Variants in CASR observed in about 807,000 individuals in gnomAD.
The protein encoded by CASR is calcium sensing receptor.
CASR carries 23 observed loss-of-function variants against 69.1 expected under a neutral mutation model. The observed-to-expected ratio is 0.33, with a 90% CI of 0.24 to 0.47. CASR has a LOEUF of 0.47. Among genes scored for constraint, CASR ranks in the 20% least tolerant of loss-of-function variants. The probability of loss-of-function intolerance (pLI) is 1.00; values close to 1 mark genes in which losing one functional copy is unlikely to be tolerated. For synonymous variants in CASR, 541 were observed against 544.7 expected, an observed-to-expected ratio of 0.99 and a Z score of 0.10; for missense variants, 924 against 1,356.1, an observed-to-expected ratio of 0.68 and a Z score of 5.00.
intron 1 of CASR, among the ~76,000 whole-genome samples, chr3:122,234,033 T>C (rs193082594): frequency 7.6e-4 from 116 of 152,344 alleles, no homozygotes; most frequent in African/African-American, 2.7e-3. Context: ...ACTCCTCTGA[T>C]TGAGAAAGCT....
At chr3:122,253,678 G>T (rs2074522339) in intron 1 of CASR, among the ~76,000 whole-genome samples, 1 of 152,188 alleles carries the variant, frequency 6.6e-6, no homozygotes, top group Admixed American at 6.5e-5. Context: ...TTAAAATCCA[G>T]CATCAGCACC....
At chr3:122,282,006 G>A in intron 5 of CASR, 107 bp from the exon 6 acceptor site, 1 of 1,535,324 alleles carries the variant, frequency 6.5e-7, no homozygotes, top group Non-Finnish European at 9.0e-7. Context: ...CTGTCACACT[G>A]ATTCTTGTGC....
intron 1 of CASR, among the ~76,000 whole-genome samples, chr3:122,208,188 C>A (rs140712859): frequency 2.4e-4 from 37 of 152,044 alleles, no homozygotes; most frequent in Non-Finnish European, 3.1e-4. Context: ...ACAAATGATT[C>A]TTTTATACTT....
chr3:122,261,898 TCA>T lies in CASR; in HGVS notation c.865_866del (p.Thr289GlyfsTer68), dbSNP rs1413418073. 6.2e-7 allele frequency: 1 copy of T among 1,614,060 alleles called. No homozygotes were observed. The highest frequency in any genetic ancestry group is 1.3e-5 in the African/African-American group (1 of 74,916). On this transcript the variant is annotated frameshift_variant, in exon 4 of 7. Coordinates refer to ENST00000639785, the MANE Select transcript of CASR (RefSeq NM_000388.4). LOFTEE classifies it high-confidence loss of function. ...ATCAAGGAGATTGTCCGGCGCAATA[TCA>T]CGGGCAAGATCTGGCTGGCCAGCGA... is the stretch of plus-strand genomic sequence containing the variant.
chr3:122,285,741 C>T lies in CASR; in HGVS notation c.*550C>T. 1 of 173,576 alleles carries T rather than the reference C, an allele frequency of 5.8e-6. No homozygotes were observed. Among genetic ancestry groups the T allele is most frequent in the Non-Finnish European group, 1.3e-5 (1 of 78,946 alleles). 10.8% of individuals were successfully genotyped at this position (173,576 alleles called of 1,614,324 possible). On this transcript the variant is annotated 3_prime_UTR_variant, in exon 7 of 7. Coordinates refer to ENST00000639785, the MANE Select transcript of CASR (RefSeq NM_000388.4). ...TATTATGTAACATCCAGAAGGTTTG[C>T]ACCCCTCCTATACCATATGTCTGCT... is the stretch of plus-strand genomic sequence containing the variant.
rs2075001415 is a variant in CASR at position 122,290,229 on chromosome 3, T to C, written c.*5038T>C. 1 of 152,080 alleles carries C rather than the reference T, an allele frequency of 6.6e-6. No homozygotes were observed. Among genetic ancestry groups the C allele is most frequent in the Non-Finnish European group, 1.5e-5 (1 of 68,028 alleles). 9.4% of individuals were successfully genotyped at this position (152,080 alleles called of 1,614,324 possible). On this transcript the variant is annotated 3_prime_UTR_variant, in exon 7 of 7. Coordinates refer to ENST00000639785, the MANE Select transcript of CASR (RefSeq NM_000388.4). ...GTTAGAACAAATAAAAGCAGCAAAC[T>C]CTGTGACTGAAGTTTCAGCACATGG...
At chr3:122,239,718 G>A (rs2074362344) in intron 1 of CASR, among the ~76,000 whole-genome samples, 1 of 152,074 alleles carries the variant, frequency 6.6e-6, no homozygotes, top group Non-Finnish European at 1.5e-5. Flanking sequence ...CCTCAGCACA[G>A]AAAGAAAGGC....
chr3:122,188,745 G>A (rs1262634199), intron 1 of CASR, among the ~76,000 whole-genome samples: 3 of 152,092 alleles, frequency 2.0e-5, no homozygotes, highest in Admixed American at 2.0e-4. Context: ...TTCAACTCTT[G>A]CCTGACACCA....
chr3:122,261,596 C>T lies in CASR; in HGVS notation c.561C>T (p.Ile187=). ...AATTCAAGTCTTTCCTCCGAACCATCCCCAATGATGAGCACCAGGCCACTG... is the reference window on the plus strand; with the variant it reads ...AATTCAAGTCTTTCCTCCGAACCATTCCCAATGATGAGCACCAGGCCACTG... ...KNQFKSFLRT[I]PNDEHQATAM... Residue 187 remains isoleucine (I), a synonymous_variant, in exon 4 of 7, where the codon ATC becomes ATT. Coordinates refer to ENST00000639785, the MANE Select transcript of CASR (RefSeq NM_000388.4). 1 of 1,614,172 alleles carries T rather than the reference C, an allele frequency of 6.2e-7. No homozygotes were observed. The highest frequency in any genetic ancestry group is 2.2e-5 in the East Asian group (1 of 44,888).
intron 1 of CASR, among the ~76,000 whole-genome samples, chr3:122,214,228 TC>T (rs1408766385): frequency 6.6e-6 from 1 of 152,130 alleles, no homozygotes; most frequent in African/African-American, 2.4e-5. Context: ...TATCCATTTT[TC>T]TCATTAAAGA....
Position 122,285,040 on chromosome 3 carries a change from A to G in CASR, c.3086A>G (p.Glu1029Gly). ...GETDLDLTVQ[E>G]TGLQGPVGGD... Reference sequence around the variant, plus strand: ...ACGGACTTAGATCTGACCGTCCAGGAAACAGGTCTGCAAGGACCTGTGGGT... The same window carrying G: ...ACGGACTTAGATCTGACCGTCCAGGGAACAGGTCTGCAAGGACCTGTGGGT... The change falls in exon 7 of 7, where the codon GAA (glutamate) becomes GGA (glycine). Residue 1029 changes from glutamate (E) to glycine (G), a missense_variant. By Grantham distance (98) the Glu-to-Gly change is moderately conservative. Around this residue, in one of 8 missense-constraint regions of CASR, gnomAD observed 201 missense variants for 228.8 expected, o/e 0.88. Coordinates refer to ENST00000639785, the MANE Select transcript of CASR (RefSeq NM_000388.4). 6.2e-7 allele frequency: 1 copy of G among 1,614,200 alleles called. No homozygotes were observed. The highest frequency in any genetic ancestry group is 8.5e-7 in the Non-Finnish European group (1 of 1,180,020).
intron 4 of CASR, among the ~76,000 whole-genome samples, chr3:122,264,372 G>A (rs1049825688): frequency 2.6e-5 from 4 of 152,184 alleles, no homozygotes; most frequent in Non-Finnish European, 5.9e-5. Context: ...TCCTGTAAAA[G>A]TTCCAGAAAC....
intron 6 of CASR, among the ~76,000 whole-genome samples, chr3:122,282,478 T>C (rs1250372669): frequency 2.0e-5 from 3 of 152,246 alleles, no homozygotes; most frequent in East Asian, 1.9e-4. Context: ...TACTTCATAT[T>C]GTCGGCCAAT....
rs1043791065 is a variant in CASR at position 122,290,608 on chromosome 3, C to T, written c.*5417C>T. The T allele has an allele frequency of 6.6e-6, 1 of 151,988 alleles. No individual in the cohort carries two copies. The highest frequency in any genetic ancestry group is 1.5e-5 in the Non-Finnish European group (1 of 67,982). The allele number at this position is 151,988 out of a possible 1,614,324, so 9.4% of individuals were successfully genotyped here. A position where few individuals can be genotyped will look rare whatever the true frequency, so the allele number is the denominator to read the frequency against. On this transcript the variant is annotated 3_prime_UTR_variant, in exon 7 of 7. Transcript: ENST00000639785. ...TTGTACATTAAGCACAAAATTATAA[C>T]AGGAAAATAAAGAAAAGAATTTAAA...
rs1053891124 is a variant in CASR, at chr3:122,261,980, C to T, written c.945C>T (p.Gly315=). The T allele has an allele frequency of 7.4e-6, 12 of 1,614,072 alleles. No homozygotes were observed. The highest frequency in any genetic ancestry group is 1.7e-5 in the Admixed American group (1 of 60,008). ...TGCCTCAGTACTTCCACGTGGTTGG[C>T]GGCACCATTGGATTCGCTCTGAAGG... ...IAMPQYFHVV[G]GTIGFALKAG... The change falls in exon 4 of 7, where the codon GGC becomes GGT. Residue 315 remains glycine (G), a synonymous_variant. Transcript: ENST00000639785.
At chr3:122,190,730 G>A (rs1198952428) in intron 1 of CASR, among the ~76,000 whole-genome samples, 1 of 152,214 alleles carries the variant, frequency 6.6e-6, no homozygotes, top group African/African-American at 2.4e-5. Context: ...AAATGAATGA[G>A]TGACTTAGTG....
At chr3:122,223,678 C>T (rs34407962) in intron 1 of CASR, among the ~76,000 whole-genome samples, 36 of 152,280 alleles carry the variant, frequency 2.4e-4, no homozygotes, top group African/African-American at 7.5e-4. Flanking sequence ...AGATTCCACC[C>T]TAACTCATTC....
chr3:122,190,555 C>T (rs2073829782), intron 1 of CASR, among the ~76,000 whole-genome samples: 1 of 152,232 alleles, frequency 6.6e-6, no homozygotes, highest in East Asian at 1.9e-4. Context: ...ATTAACACTA[C>T]TTACCTCTTT....
At chr3:122,191,230 A>G (rs527498285) in intron 1 of CASR, among the ~76,000 whole-genome samples, 1 of 152,340 alleles carries the variant, frequency 6.6e-6, no homozygotes, top group East Asian at 1.9e-4. Flanking sequence ...TCTAAGTATA[A>G]AAGTAGCAGA....
Sources: gnomAD v4.1 joint callset for allele counts (sites outside exome capture counted in the v4.1 genomes callset) on GRCh38, gnomAD v4.1.1 for gene constraint, gnomAD v4.1.1 regional missense constraint, MANE v1.5 for transcripts, NCBI Gene and HGNC (gene_info 2026-07-23, HGNC 2026-07-21) for gene names.